The following HMGA2 variants were observed in gnomAD, a reference collection of about 807,000 sequenced individuals.
HMGA2 encodes high mobility group AT-hook 2.
HMGA2 carries 8 observed loss-of-function variants against 19.1 expected under a neutral mutation model. The observed-to-expected ratio is 0.42, with a 90% confidence interval of 0.25 to 0.76. The LOEUF (loss-of-function observed/expected upper bound fraction) is 0.76. Ranked by LOEUF, HMGA2 falls within the 30% of genes least tolerant of loss-of-function variation. The pLI is 0.28. For missense variants in HMGA2, 109 were observed against 136.3 expected (o/e 0.80, Z 1.00); for synonymous variants, 60 against 48.8 (o/e 1.23, Z -0.96).
At chr12:65,871,262 C>T (rs373556811) in intron 3 of HMGA2, among the ~76,000 whole-genome samples, 132 of 152,230 alleles carry the variant, frequency 8.7e-4, no homozygotes, top group Middle Eastern at 3.4e-3. Context: ...TGGGCCCAGC[C>T]GCACCTATTG....
intron 3 of HMGA2, chr12:65,842,502 C>A: frequency 9.8e-7 from 1 of 1,019,970 alleles, no homozygotes; most frequent in South Asian, 1.4e-5. Context: ...ATCATTATGT[C>A]CTCAATATAT....
intron 3 of HMGA2, among the ~76,000 whole-genome samples, chr12:65,845,160 CG>C (rs1474295248): frequency 2.6e-5 from 4 of 152,054 alleles, no homozygotes; most frequent in Non-Finnish European, 4.4e-5. Flanking sequence ...TAATATGCCA[CG>C]TTTTTTTAAC....
chr12:65,843,483 G>A (rs913229379), intron 3 of HMGA2: 6 of 192,230 alleles, frequency 3.1e-5, no homozygotes, highest in African/African-American at 4.6e-5. Context: ...TTTGAGGATC[G>A]AGAAGGGAGA....
intron 3 of HMGA2, among the ~76,000 whole-genome samples, chr12:65,865,276 G>T (rs73119885): frequency 2.0e-5 from 3 of 152,250 alleles, no homozygotes; most frequent in Non-Finnish European, 2.9e-5. Context: ...AAAGTTTTGC[G>T]TGGATTTTTG....
chr12:65,900,537 G>A (rs2121173805), intron 3 of HMGA2, among the ~76,000 whole-genome samples: 1 of 152,294 alleles, frequency 6.6e-6, no homozygotes, highest in Non-Finnish European at 1.5e-5. Context: ...AGTAGCCACA[G>A]CAAGCTCACA....
At chr12:65,921,825 T>A (rs1875325120) in intron 3 of HMGA2, among the ~76,000 whole-genome samples, 1 of 152,198 alleles carries the variant, frequency 6.6e-6, no homozygotes, top group Non-Finnish European at 1.5e-5. Context: ...CCCCATGCTG[T>A]GTGCAGCCTA....
chr12:65,870,522 G>T (rs780258762), intron 3 of HMGA2, among the ~76,000 whole-genome samples: 1 of 152,160 alleles, frequency 6.6e-6, no homozygotes, highest in Non-Finnish European at 1.5e-5. Flanking sequence ...CCTTAGGTCA[G>T]GAGTTCGAGA....
chr12:65,927,120 C>G (rs1306751604), intron 3 of HMGA2, among the ~76,000 whole-genome samples: 2 of 152,186 alleles, frequency 1.3e-5, no homozygotes, highest in Non-Finnish European at 2.9e-5. Flanking sequence ...AAACGCACAA[C>G]TTAACACCAT....
rs149865158 is a variant in HMGA2, at chr12:65,939,029, G to A, written c.250-12354G>A. Among the ~76,000 whole-genome samples, 1,325 of 152,268 alleles carry A rather than the reference G, an allele frequency of 8.7e-3. 22 individuals carry two copies. Among genetic ancestry groups the A allele is most frequent in the African/African-American group, 0.03 (1,240 of 41,548 alleles). On this transcript the variant is annotated intron_variant, in intron 3 of 4. Transcript: ENST00000403681. ...ATGGAAGGTATGACTCAGCGCTTGAGGAAGAAGAGCTACAAGAGGAAGAGG... is the reference window on the plus strand; with the variant it reads ...ATGGAAGGTATGACTCAGCGCTTGAAGAAGAAGAGCTACAAGAGGAAGAGG...
chr12:65,919,398 G>A (rs1875223423), intron 3 of HMGA2, among the ~76,000 whole-genome samples: 1 of 152,184 alleles, frequency 6.6e-6, no homozygotes, highest in Non-Finnish European at 1.5e-5. Context: ...AATGGTAGTA[G>A]TCCCATTGGA....
chr12:65,959,306 G>GT (rs1172894703), intron 4 of HMGA2, among the ~76,000 whole-genome samples: 3 of 152,178 alleles, frequency 2.0e-5, no homozygotes, highest in Non-Finnish European at 4.4e-5. Context: ...TTTTAGTGGA[G>GT]TTTTTTTCCA....
At chr12:65,925,084 G>A (rs541348875) in intron 3 of HMGA2, among the ~76,000 whole-genome samples, 59 of 151,908 alleles carry the variant, frequency 3.9e-4, no homozygotes, top group African/African-American at 1.4e-3. Flanking sequence ...ATTAAACCCT[G>A]GTATTCCTCA....
chr12:65,882,367 G>C (rs927253250), intron 3 of HMGA2, among the ~76,000 whole-genome samples: 1 of 152,196 alleles, frequency 6.6e-6, no homozygotes, highest in Non-Finnish European at 1.5e-5. Flanking sequence ...GCAGAGCCCA[G>C]GGAGGCCCCA....
chr12:65,846,994 T>C (rs73115426), intron 3 of HMGA2, among the ~76,000 whole-genome samples: 2,673 of 152,288 alleles, frequency 0.018, 47 homozygotes, highest in South Asian at 0.04. Flanking sequence ...AGTAATTATA[T>C]TGCTTTCCAA....
intron 2 of HMGA2, among the ~76,000 whole-genome samples, chr12:65,833,401 A>G (rs1427580499): frequency 1.4e-5 from 2 of 140,848 alleles, no homozygotes; most frequent in Non-Finnish European, 3.0e-5. Flanking sequence ...ATCACACCCA[A>G]ATATTTTTCT....
At chr12:65,904,244 T>A (rs1157790836) in intron 3 of HMGA2, among the ~76,000 whole-genome samples, 1 of 152,238 alleles carries the variant, frequency 6.6e-6, no homozygotes, top group African/African-American at 2.4e-5. Flanking sequence ...CCCAGTGTGT[T>A]CCTTGGCTCG....
At chr12:65,888,425 A>G (rs1365901284) in intron 3 of HMGA2, among the ~76,000 whole-genome samples, 4 of 151,062 alleles carry the variant, frequency 2.6e-5, no homozygotes, top group African/African-American at 9.7e-5. Flanking sequence ...ACTGCACTCC[A>G]GCCTGGGCGG....
chr12:65,837,601 C>T (rs753655993), intron 2 of HMGA2, among the ~76,000 whole-genome samples: 2 of 152,014 alleles, frequency 1.3e-5, no homozygotes, highest in Non-Finnish European at 2.9e-5. Flanking sequence ...AGCAGGAACA[C>T]GTTTTTATAG....
rs1406505862 is a variant in HMGA2, at chr12:65,964,150, C to T, written c.*858C>T. 2 of 204,116 alleles carry T rather than the reference C, an allele frequency of 9.8e-6. No homozygotes were observed. Among genetic ancestry groups the T allele is most frequent in the Non-Finnish European group, 2.0e-5 (2 of 99,940 alleles). The allele number at this position is 204,116 out of a possible 1,614,324, so 12.6% of individuals were successfully genotyped here. On this transcript the variant is annotated 3_prime_UTR_variant, in exon 5 of 5. Coordinates refer to ENST00000403681, the MANE Select transcript of HMGA2 (RefSeq NM_003483.6). Reference sequence around the variant, plus strand: ...GTCAGCCTCAGAGCATTTAAGGAAACTAGACAAGTAAAATTATCCTCTTTG... The same window carrying T: ...GTCAGCCTCAGAGCATTTAAGGAAATTAGACAAGTAAAATTATCCTCTTTG...
Sources: allele counts gnomAD v4.1 joint callset (sites outside exome capture counted in the v4.1 genomes callset), GRCh38; gene constraint gnomAD v4.1.1; transcripts MANE v1.5; gene names NCBI Gene and HGNC (gene_info 2026-07-23, HGNC 2026-07-21).